NKAIN3: variants seen among roughly 807,000 people sequenced by gnomAD.
NKAIN3 encodes the protein sodium/potassium-transporting ATPase subunit beta-1-interacting protein 3.
Under a neutral mutation model 30.2 loss-of-function variants are expected in NKAIN3, and 25 were observed. The observed-to-expected ratio is 0.83, with a 90% CI of 0.60 to 1.16. The LOEUF (loss-of-function observed/expected upper bound fraction) is 1.16. NKAIN3 is among the 50% of genes most tolerant of loss of function. NKAIN3 has a pLI of 0.00. For missense variants in NKAIN3, 225 were observed against 254.1 expected, an observed-to-expected ratio of 0.89 and a Z score of 0.78; for synonymous variants, 91 against 89.6, an observed-to-expected ratio of 1.02 and a Z score of -0.09.
At chr8:62,799,649 G>T (rs886876273) in intron 4 of NKAIN3, among the ~76,000 whole-genome samples, 1 of 152,134 alleles carries the variant, frequency 6.6e-6, no homozygotes, top group Non-Finnish European at 1.5e-5. Context: ...ATTCCTTAAA[G>T]AACTAAAAGT....
At chr8:62,416,978 G>A (rs952054528) in intron 1 of NKAIN3, among the ~76,000 whole-genome samples, 7 of 151,394 alleles carry the variant, frequency 4.6e-5, no homozygotes, top group African/African-American at 9.7e-5. Context: ...GTGACAGAGC[G>A]AAACTCCATC....
At chr8:62,423,171 G>T (rs1804697987) in intron 1 of NKAIN3, among the ~76,000 whole-genome samples, 1 of 151,960 alleles carries the variant, frequency 6.6e-6, no homozygotes, top group Non-Finnish European at 1.5e-5. Flanking sequence ...TCAACTAAAT[G>T]CAAAGAAACT....
chr8:62,517,907 G>C (rs920777503), intron 1 of NKAIN3, among the ~76,000 whole-genome samples: 1 of 150,992 alleles, frequency 6.6e-6, no homozygotes, highest in African/African-American at 2.5e-5. Flanking sequence ...TCTAACTAGA[G>C]CTATACCTGT....
chr8:62,496,095 A>ATTAAT lies in NKAIN3; in HGVS notation c.55-83439_55-83435dup, dbSNP rs143159577. Among the ~76,000 whole-genome samples, 1,044 of 152,278 alleles carry ATTAAT rather than the reference A, an allele frequency of 6.9e-3. 12 individuals carry two copies. Among genetic ancestry groups the ATTAAT allele is most frequent in the African/African-American group, 0.023 (975 of 41,566 alleles). On this transcript the variant is annotated intron_variant, in intron 1 of 6. Coordinates refer to ENST00000623646, the MANE Select transcript of NKAIN3 (RefSeq NM_001304533.3). ...ACTTTTATTAAGATCATCATGCCCT[A>ATTAAT]TTAATTTAACATCTTTTAATGATGT...
intron 4 of NKAIN3, among the ~76,000 whole-genome samples, chr8:62,840,111 G>A (rs1467123739): frequency 6.6e-6 from 1 of 151,980 alleles, no homozygotes; most frequent in African/African-American, 2.4e-5. Flanking sequence ...TGAATAAATG[G>A]CTTTTGTAAA....
At chr8:62,455,890 C>T (rs1365744338) in intron 1 of NKAIN3, among the ~76,000 whole-genome samples, 1 of 152,136 alleles carries the variant, frequency 6.6e-6, no homozygotes. Context: ...TCCAAGTCCC[C>T]CAGTGGATAC....
In NKAIN3 at chr8:62,859,507, C is replaced by CAAAAAAAAAAAAAAAAAAAAAAAA. The variant is rs1563597734; in HGVS notation, c.472-58946_472-58945insAAAAAAAAAAAAAAAAAAAAAAAA. Among the ~76,000 whole-genome samples, 19 of 9,936 alleles carry CAAAAAAAAAAAAAAAAAAAAAAAA rather than the reference C, an allele frequency of 1.9e-3. 2 individuals carry two copies. The highest frequency in any genetic ancestry group is 0.012 in the South Asian group (2 of 172). The allele number at this position is 9,936 out of a possible 152,430, so 6.5% of individuals were successfully genotyped here. A position where few individuals can be genotyped will look rare whatever the true frequency, so the allele number is the denominator to read the frequency against. ...AACTTTTTCTATACTCTTACTTCAA[C>CAAAAAAAAAAAAAAAAAAAAAAAA]TAAAAAAAAAAAAACTTCATGGAAG... On this transcript the variant is annotated intron_variant, in intron 4 of 6. Coordinates refer to ENST00000623646, the MANE Select transcript of NKAIN3 (RefSeq NM_001304533.3).
At chr8:62,695,237 G>T (rs934834751) in intron 3 of NKAIN3, among the ~76,000 whole-genome samples, 4 of 152,112 alleles carry the variant, frequency 2.6e-5, no homozygotes, top group Non-Finnish European at 5.9e-5. Context: ...ACAGGTGAAA[G>T]GGCCAAGTCT....
chr8:62,427,562 A>G (rs1339391663), intron 1 of NKAIN3, among the ~76,000 whole-genome samples: 1 of 152,024 alleles, frequency 6.6e-6, no homozygotes, highest in Non-Finnish European at 1.5e-5. Context: ...ACTAACAGAC[A>G]TGATTTATTA....
chr8:62,591,635 A>G (rs1193616124), intron 3 of NKAIN3, among the ~76,000 whole-genome samples: 1 of 152,044 alleles, frequency 6.6e-6, no homozygotes. Context: ...AAACATGGAC[A>G]TAGTAGTCCT....
intron 3 of NKAIN3, among the ~76,000 whole-genome samples, chr8:62,718,770 G>C (rs1023968082): frequency 1.3e-5 from 2 of 151,334 alleles, no homozygotes; most frequent in Non-Finnish European, 2.9e-5. Context: ...CTCACTCTAA[G>C]ATATTCATTT....
chr8:62,771,023 G>GA (rs1816991251), intron 4 of NKAIN3, among the ~76,000 whole-genome samples: 1 of 151,880 alleles, frequency 6.6e-6, no homozygotes, highest in African/African-American at 2.4e-5. Context: ...TCCAAGGGGA[G>GA]AAAAAATTAA....
intron 4 of NKAIN3, among the ~76,000 whole-genome samples, chr8:62,754,472 A>G (rs1816387080): frequency 6.6e-6 from 1 of 152,068 alleles, no homozygotes; most frequent in African/African-American, 2.4e-5. Context: ...AACTCACCTT[A>G]TTGATTTCTC....
chr8:62,287,187 G>T (rs1813407671), intron 1 of NKAIN3, among the ~76,000 whole-genome samples: 1 of 151,612 alleles, frequency 6.6e-6, no homozygotes, highest in Non-Finnish European at 1.5e-5. Flanking sequence ...ACGAGGTTGT[G>T]ATAATGTAAG....
intron 1 of NKAIN3, among the ~76,000 whole-genome samples, chr8:62,268,597 C>A (rs1812678407): frequency 6.6e-6 from 1 of 152,158 alleles, no homozygotes. Flanking sequence ...AAGTTTTATG[C>A]AATACCTGTT....
intron 1 of NKAIN3, among the ~76,000 whole-genome samples, chr8:62,313,979 A>G (rs28556827): frequency 0.3 from 44,918 of 151,958 alleles, 6,996 homozygotes; most frequent in East Asian, 0.46. Context: ...AATTAAAGAG[A>G]AATAAAATAA....
chr8:62,329,903 A>G (rs1333341503), intron 1 of NKAIN3, among the ~76,000 whole-genome samples: 4 of 152,038 alleles, frequency 2.6e-5, no homozygotes, highest in African/African-American at 9.7e-5. Flanking sequence ...TAAGTGGATG[A>G]ACGATTCTTG....
chr8:62,821,102 G>A (rs866913589), intron 4 of NKAIN3, among the ~76,000 whole-genome samples: 1 of 152,110 alleles, frequency 6.6e-6, no homozygotes, highest in African/African-American at 2.4e-5. Flanking sequence ...TAAAATGACA[G>A]TTGAGGTAAG....
chr8:62,310,062 T>G (rs939901251), intron 1 of NKAIN3, among the ~76,000 whole-genome samples: 1 of 150,718 alleles, frequency 6.6e-6, no homozygotes, highest in Non-Finnish European at 1.5e-5. Flanking sequence ...AGTGACCTAG[T>G]AGTGTAACTG....
Sources: gnomAD v4.1 joint callset for allele counts (sites outside exome capture counted in the v4.1 genomes callset) on GRCh38, gnomAD v4.1.1 for gene constraint, MANE v1.5 for transcripts, NCBI Gene and HGNC (gene_info 2026-07-23, HGNC 2026-07-21) for gene names.